BCL2: variants seen among roughly 807,000 people sequenced by gnomAD.
BCL2 encodes the protein apoptosis regulator Bcl-2.
In BCL2, 1 loss-of-function variant was observed where a neutral mutation model predicts 14.2. That is an observed-to-expected ratio of 0.07 (90% CI 0.02 to 0.33). The LOEUF is 0.33. BCL2 is among the 10% of genes least tolerant of loss of function. The probability of loss-of-function intolerance (pLI) is 0.99; values close to 1 mark genes in which losing one functional copy is unlikely to be tolerated. For synonymous variants in BCL2, 151 were observed against 137.2 expected, an observed-to-expected ratio of 1.10 and a Z score of -0.70; for missense variants, 247 against 305.9, an observed-to-expected ratio of 0.81 and a Z score of 1.44.
chr18:63,198,850 CAG>C (rs1193510496), intron 2 of BCL2, among the ~76,000 whole-genome samples: 2 of 152,014 alleles, frequency 1.3e-5, no homozygotes, highest in African/African-American at 2.4e-5. Flanking sequence ...CACATAGACA[CAG>C]AGACACACAC....
chr18:63,134,788 C>A (rs1403771010), intron 2 of BCL2, among the ~76,000 whole-genome samples: 1 of 152,060 alleles, frequency 6.6e-6, no homozygotes, highest in African/African-American at 2.4e-5. Context: ...AGAGTCTCAT[C>A]GGCAGTAAGA....
chr18:63,152,886 G>T (rs8093973), intron 2 of BCL2, among the ~76,000 whole-genome samples: 2 of 152,100 alleles, frequency 1.3e-5, no homozygotes, highest in Admixed American at 1.3e-4. Context: ...ACTACAAGAC[G>T]TGAGTATACC....
intron 2 of BCL2, among the ~76,000 whole-genome samples, chr18:63,193,478 C>A (rs1454715214): frequency 6.6e-6 from 1 of 151,966 alleles, no homozygotes; most frequent in Admixed American, 6.6e-5. Flanking sequence ...TGGAATCATG[C>A]AGTATTTGTC....
At chr18:63,137,406 C>A (rs111933518) in intron 2 of BCL2, among the ~76,000 whole-genome samples, 2 of 152,274 alleles carry the variant, frequency 1.3e-5, no homozygotes, top group Non-Finnish European at 2.9e-5. Context: ...GTCTGTCATA[C>A]GTTAGGAACT....
intron 2 of BCL2, among the ~76,000 whole-genome samples, chr18:63,205,017 G>A (rs1383924637): frequency 3.3e-5 from 5 of 152,084 alleles, no homozygotes; most frequent in Admixed American, 6.5e-5. Flanking sequence ...GGATGGGGAC[G>A]GAGGTGCTAG....
intron 2 of BCL2, among the ~76,000 whole-genome samples, chr18:63,305,150 G>C (rs1913085306): frequency 6.6e-6 from 1 of 152,230 alleles, no homozygotes; most frequent in Admixed American, 6.5e-5. Flanking sequence ...GCAAGCATGA[G>C]AAACGCTGCA....
chr18:63,198,467 GAC>G (rs1239907662), intron 2 of BCL2, among the ~76,000 whole-genome samples: 2 of 90,326 alleles, frequency 2.2e-5, no homozygotes, highest in South Asian at 3.4e-4. Flanking sequence ...GACACACACA[GAC>G]ACACACTGAC....
intron 2 of BCL2, among the ~76,000 whole-genome samples, chr18:63,210,372 G>T (rs999187423): frequency 6.6e-6 from 1 of 152,142 alleles, no homozygotes; most frequent in African/African-American, 2.4e-5. Flanking sequence ...GCCCAAGGAA[G>T]AATAATATTT....
At chr18:63,198,587 G>T (rs1909538734) in intron 2 of BCL2, among the ~76,000 whole-genome samples, 1 of 134,822 alleles carries the variant, frequency 7.4e-6, no homozygotes, top group Admixed American at 7.5e-5. Flanking sequence ...CAGACACATA[G>T]ACACAGAGAC....
chr18:63,125,815 G>A lies in BCL2; in HGVS notation c.*2810C>T, dbSNP rs1392846933. On this transcript the variant is annotated 3_prime_UTR_variant, in exon 3 of 3. Transcript: ENST00000333681. ...TGCAGCCACAATACTGTACAGTTCT[G>A]GGGCCAAGAGGCTGGGCACATTTAC... The A allele has an allele frequency of 9.2e-6, 2 of 217,988 alleles. No individual in the cohort carries two copies. The highest frequency in any genetic ancestry group is 1.8e-5 in the Non-Finnish European group (2 of 108,456). 13.5% of individuals were successfully genotyped at this position (217,988 alleles called of 1,614,324 possible). A position where few individuals can be genotyped will look rare whatever the true frequency, so the allele number is the denominator to read the frequency against.
intron 2 of BCL2, among the ~76,000 whole-genome samples, chr18:63,229,070 C>A (rs897965578): frequency 6.6e-6 from 1 of 152,174 alleles, no homozygotes; most frequent in Non-Finnish European, 1.5e-5. Context: ...GATATATTCA[C>A]CAGAATCCTT....
chr18:63,283,366 C>A (rs917821198), intron 2 of BCL2, among the ~76,000 whole-genome samples: 3 of 152,160 alleles, frequency 2.0e-5, no homozygotes, highest in Non-Finnish European at 2.9e-5. Flanking sequence ...CAACCAAAAG[C>A]TTTTAGGGTT....
intron 2 of BCL2, among the ~76,000 whole-genome samples, chr18:63,287,461 A>G (rs1483118529): frequency 6.6e-6 from 1 of 152,206 alleles, no homozygotes; most frequent in East Asian, 1.9e-4. Flanking sequence ...AGGGATATAG[A>G]AGAGAAGAGA....
At chr18:63,270,527 C>T (rs1911976259) in intron 2 of BCL2, among the ~76,000 whole-genome samples, 1 of 152,122 alleles carries the variant, frequency 6.6e-6, no homozygotes, top group Non-Finnish European at 1.5e-5. Context: ...ATATATGTAC[C>T]TATGCATATA....
At chr18:63,243,937 C>T (rs1055056574) in intron 2 of BCL2, among the ~76,000 whole-genome samples, 2 of 152,176 alleles carry the variant, frequency 1.3e-5, no homozygotes, top group African/African-American at 2.4e-5. Context: ...GGAAGAGTCA[C>T]TCTCAAGATT....
intron 2 of BCL2, among the ~76,000 whole-genome samples, chr18:63,158,003 G>A (rs987071179): frequency 1.3e-5 from 2 of 151,248 alleles, no homozygotes; most frequent in Non-Finnish European, 2.9e-5. Context: ...TACAGAGTTC[G>A]GCGTAGCAGG....
At chr18:63,276,355 A>T (rs369570401) in intron 2 of BCL2, among the ~76,000 whole-genome samples, 1 of 151,980 alleles carries the variant, frequency 6.6e-6, no homozygotes, top group Non-Finnish European at 1.5e-5. Context: ...TTGAAAAAGC[A>T]TCTGGAAATC....
At chr18:63,179,204 C>T (rs1915422731) in intron 2 of BCL2, among the ~76,000 whole-genome samples, 1 of 152,134 alleles carries the variant, frequency 6.6e-6, no homozygotes, top group Admixed American at 6.5e-5. Context: ...ATGGTCCACC[C>T]ACCCCTGAAC....
chr18:63,161,850 A>G (rs1039527881), intron 2 of BCL2: 6 of 152,180 alleles, frequency 3.9e-5, no homozygotes, highest in African/African-American at 1.4e-4. Context: ...TCTTACCTCC[A>G]TGTGTAAGCC....
Sources: allele counts gnomAD v4.1 joint callset (sites outside exome capture counted in the v4.1 genomes callset), GRCh38; gene constraint gnomAD v4.1.1; transcripts MANE v1.5; gene names NCBI Gene and HGNC (gene_info 2026-07-23, HGNC 2026-07-21).